GPR158: variants seen among roughly 807,000 people sequenced by gnomAD.
GPR158 encodes G protein-coupled receptor 158.
GPR158 carries 30 observed loss-of-function variants against 78.2 expected under a neutral mutation model. The observed-to-expected ratio is 0.38, with a 90% confidence interval of 0.29 to 0.52. The LOEUF (loss-of-function observed/expected upper bound fraction) is 0.52. Among genes scored for constraint, GPR158 ranks in the 20% least tolerant of loss-of-function variants. The probability of loss-of-function intolerance (pLI) is 0.83; values close to 1 mark genes in which losing one functional copy is unlikely to be tolerated. For missense variants in GPR158, 1,463 were observed against 1,523.5 expected, an observed-to-expected ratio of 0.96 and a Z score of 0.66; for synonymous variants, 581 against 591.1, an observed-to-expected ratio of 0.98 and a Z score of 0.25.
At chr10:25,256,666 C>A (rs1346450466) in intron 2 of GPR158, among the ~76,000 whole-genome samples, 2 of 151,892 alleles carry the variant, frequency 1.3e-5, no homozygotes, top group Non-Finnish European at 2.9e-5. Flanking sequence ...GTCTAGGTGA[C>A]AGAGTGAGAC....
intron 5 of GPR158, among the ~76,000 whole-genome samples, chr10:25,471,604 C>G (rs1338570126): frequency 6.6e-6 from 1 of 152,150 alleles, no homozygotes; most frequent in Non-Finnish European, 1.5e-5. Flanking sequence ...CCTATTTCTC[C>G]ATATCCTTTC....
chr10:25,223,209 T>C (rs1853324264), intron 2 of GPR158, among the ~76,000 whole-genome samples: 1 of 152,188 alleles, frequency 6.6e-6, no homozygotes. Context: ...TACAATTTCA[T>C]TTGAAAATAT....
intron 2 of GPR158, among the ~76,000 whole-genome samples, chr10:25,281,198 G>A (rs536494000): frequency 1.1e-4 from 16 of 150,160 alleles, no homozygotes; most frequent in African/African-American, 1.7e-4. Context: ...CCATCTTTTC[G>A]TAGGTTAAAT....
rs535018373 is a variant in GPR158, at chr10:25,579,563, G to A, written c.1753+6676G>A. Among the ~76,000 whole-genome samples the A allele has an allele frequency of 6.6e-5, 10 of 152,252 alleles. No homozygotes were observed. The South Asian group carries it at 1.0e-3, about 16-fold the overall frequency. The stretch of plus-strand genomic sequence containing the variant: ...GAACATACATTGAAGATACTGAAGC[G>A]GAACCAGTGACCAAGATAAGCTAGA... On this transcript the variant is annotated intron_variant, in intron 7 of 10. Transcript: ENST00000376351.
intron 5 of GPR158, among the ~76,000 whole-genome samples, chr10:25,482,911 A>G (rs1338720899): frequency 6.6e-6 from 1 of 152,124 alleles, no homozygotes; most frequent in African/African-American, 2.4e-5. Flanking sequence ...TCTTGGAGTC[A>G]TCTTGACTTC....
At chr10:25,222,007 G>A (rs113809545) in intron 2 of GPR158, among the ~76,000 whole-genome samples, 1 of 152,096 alleles carries the variant, frequency 6.6e-6, no homozygotes, top group African/African-American at 2.4e-5. Context: ...AAAGGTGATT[G>A]TATATAGTGT....
intron 4 of GPR158, among the ~76,000 whole-genome samples, chr10:25,423,821 T>C (rs933857359): frequency 2.0e-5 from 3 of 152,240 alleles, no homozygotes; most frequent in Non-Finnish European, 2.9e-5. Flanking sequence ...TCTTTGCTAT[T>C]GTGAACAGTG....
intron 2 of GPR158, among the ~76,000 whole-genome samples, chr10:25,295,596 G>T (rs1050696540): frequency 6.6e-6 from 1 of 151,990 alleles, no homozygotes; most frequent in African/African-American, 2.4e-5. Context: ...TGTATTTTTA[G>T]TAGAGACAGG....
intron 2 of GPR158, among the ~76,000 whole-genome samples, chr10:25,327,515 C>G (rs9919475): frequency 0.068 from 10,333 of 152,072 alleles, 731 homozygotes; most frequent in African/African-American, 0.18. Context: ...TGTGTTCTCT[C>G]CCATTTTGGA....
chr10:25,355,778 T>C (rs911532042), intron 2 of GPR158, among the ~76,000 whole-genome samples: 6 of 152,094 alleles, frequency 3.9e-5, no homozygotes, highest in African/African-American at 1.4e-4. Context: ...CTGTTTATTC[T>C]GAATGGGGTG....
intron 2 of GPR158, among the ~76,000 whole-genome samples, chr10:25,253,236 C>A (rs1853838818): frequency 1.3e-5 from 2 of 152,362 alleles, no homozygotes; most frequent in South Asian, 4.1e-4. Context: ...TGAGATGAAC[C>A]CGGTACCTCA....
At chr10:25,564,971 A>T (rs1053431957) in intron 6 of GPR158, among the ~76,000 whole-genome samples, 1 of 152,206 alleles carries the variant, frequency 6.6e-6, no homozygotes, top group East Asian at 1.9e-4. Flanking sequence ...ATGAACATGA[A>T]AACAGGTAGA....
chr10:25,582,138 G>A (rs1837210078), intron 7 of GPR158, among the ~76,000 whole-genome samples: 1 of 152,154 alleles, frequency 6.6e-6, no homozygotes, highest in African/African-American at 2.4e-5. Context: ...CACAACACAT[G>A]GGAATTATGG....
At chr10:25,584,332 T>G (rs969527422) in intron 7 of GPR158, among the ~76,000 whole-genome samples, 6 of 152,234 alleles carry the variant, frequency 3.9e-5, no homozygotes, top group Non-Finnish European at 5.9e-5. Flanking sequence ...ACTGATTTTT[T>G]TCCTAAGCAC....
intron 1 of GPR158, among the ~76,000 whole-genome samples, chr10:25,208,249 T>C (rs1365092795): frequency 6.6e-6 from 1 of 152,240 alleles, no homozygotes; most frequent in Non-Finnish European, 1.5e-5. Context: ...CTAGCAAACA[T>C]ACAGAGATTG....
Position 25,175,107 on chromosome 10 carries a change from G to A in GPR158, c.-314G>A. ...CAGCCGGGCCGAGAGACGGACTCGG[G>A]CTGACTCCAGCCGCTGGGAGCGCGA... On this transcript the variant is annotated 5_prime_UTR_variant, in exon 1 of 11. Transcript: ENST00000376351. The surrounding 1 kb of genome is among the most constrained non-coding windows in gnomAD (Gnocchi z 6.4). 1 of 261,742 alleles carries A rather than the reference G, an allele frequency of 3.8e-6. No individual in the cohort carries two copies. The highest frequency in any genetic ancestry group is 7.3e-6 in the Non-Finnish European group (1 of 137,336). The allele number at this position is 261,742 out of a possible 1,614,324, so 16.2% of individuals were successfully genotyped here.
At chr10:25,449,820 C>T (rs1835189656) in intron 4 of GPR158, among the ~76,000 whole-genome samples, 1 of 152,094 alleles carries the variant, frequency 6.6e-6, no homozygotes, top group East Asian at 1.9e-4. Flanking sequence ...GATATCAAAA[C>T]TTGTTGTACA....
intron 2 of GPR158, among the ~76,000 whole-genome samples, chr10:25,345,172 C>T (rs1855356281): frequency 6.6e-6 from 1 of 151,944 alleles, no homozygotes; most frequent in South Asian, 2.1e-4. Context: ...AACATCTAAT[C>T]CGTTCCCTCA....
rs186107641 is a variant in GPR158, at chr10:25,454,337, G to A, written c.1336-12314G>A. On this transcript the variant is annotated intron_variant, in intron 4 of 10. Coordinates refer to ENST00000376351, the MANE Select transcript of GPR158 (RefSeq NM_020752.3). Reference sequence around the variant, plus strand: ...CTATTTTGTCTTCCAAGTCCGACCCGGAGGAGAAATGATTAAATTACTCTC... The same window carrying A: ...CTATTTTGTCTTCCAAGTCCGACCCAGAGGAGAAATGATTAAATTACTCTC... Among the ~76,000 whole-genome samples, 329 of 68,242 alleles carry A rather than the reference G, an allele frequency of 4.8e-3. 2 individuals are homozygous for A. Among genetic ancestry groups the A allele is most frequent in the Middle Eastern group, 6.2e-3 (1 of 162 alleles). 44.8% of individuals were successfully genotyped at this position (68,242 alleles called of 152,430 possible).
Sources: allele counts gnomAD v4.1 joint callset (sites outside exome capture counted in the v4.1 genomes callset), GRCh38; gene constraint gnomAD v4.1.1; non-coding constraint Gnocchi (gnomAD v3.1); transcripts MANE v1.5; gene names NCBI Gene and HGNC (gene_info 2026-07-23, HGNC 2026-07-21).